CDH18: variants seen among roughly 807,000 people sequenced by gnomAD.
CDH18 encodes cadherin-18.
Under a neutral mutation model 67.9 loss-of-function variants are expected in CDH18, and 31 were observed. That is an observed-to-expected ratio of 0.46 (90% CI 0.34 to 0.62). The LOEUF (loss-of-function observed/expected upper bound fraction) is 0.62. Among genes scored for constraint, CDH18 ranks in the 20% least tolerant of loss-of-function variants. The probability of loss-of-function intolerance (pLI) is 0.01; values close to 1 mark genes in which losing one functional copy is unlikely to be tolerated. For missense variants in CDH18, 890 were observed against 975.5 expected (o/e 0.91, Z 1.17); for synonymous variants, 362 against 347.2 (o/e 1.04, Z -0.48).
chr5:19,732,570 G>C (rs982864812), intron 4 of CDH18, among the ~76,000 whole-genome samples: 6 of 152,090 alleles, frequency 3.9e-5, no homozygotes, highest in African/African-American at 1.4e-4. Context: ...AGCATTTCTT[G>C]TTTAGCCTTT....
At chr5:20,079,795 T>C (rs1337477867) in intron 2 of CDH18, among the ~76,000 whole-genome samples, 1 of 152,126 alleles carries the variant, frequency 6.6e-6, no homozygotes, top group Admixed American at 6.5e-5. Flanking sequence ...TGATTTCTCA[T>C]AGTTCCAGAG....
At chr5:19,868,465 A>C (rs1400770701) in intron 2 of CDH18, among the ~76,000 whole-genome samples, 3 of 152,156 alleles carry the variant, frequency 2.0e-5, no homozygotes, top group Non-Finnish European at 4.4e-5. Context: ...TACACCACGA[A>C]ACATACGCTT....
chr5:19,508,167 C>T (rs144348225), intron 10 of CDH18, among the ~76,000 whole-genome samples: 12 of 151,964 alleles, frequency 7.9e-5, no homozygotes, highest in Non-Finnish European at 1.8e-4. Flanking sequence ...TTCTGTTTTA[C>T]AAATCACCTT....
chr5:20,281,788 A>G (rs1011308903), intron 1 of CDH18, among the ~76,000 whole-genome samples: 1 of 152,158 alleles, frequency 6.6e-6, no homozygotes, highest in Non-Finnish European at 1.5e-5. Context: ...CATTGAATCT[A>G]TAAATTACCT....
intron 5 of CDH18, among the ~76,000 whole-genome samples, chr5:19,669,015 A>C (rs1338781952): frequency 2.7e-5 from 4 of 150,670 alleles, no homozygotes; most frequent in Non-Finnish European, 4.4e-5. Flanking sequence ...ACTTCAACAC[A>C]CACTCTGTGT....
chr5:20,126,817 G>A (rs1056486879), intron 2 of CDH18, among the ~76,000 whole-genome samples: 1 of 152,074 alleles, frequency 6.6e-6, no homozygotes, highest in Non-Finnish European at 1.5e-5. Context: ...AAAAAACAAG[G>A]CTTGCCTAGT....
At chr5:20,566,810 CAA>C (rs1157712301) in intron 1 of CDH18, among the ~76,000 whole-genome samples, 1 of 152,146 alleles carries the variant, frequency 6.6e-6, no homozygotes, top group Non-Finnish European at 1.5e-5. Flanking sequence ...CCATTACGAA[CAA>C]AGAGTGAAAG....
rs1228584814 is a variant in CDH18, at chr5:20,356,753, C to CTCTA, written c.-579-101249_-579-101248insTAGA. ...TCTCTCTCTCTCTCTCTCTCTCTCTCTATATATATATATATATACACATGC... is the reference window on the plus strand; with the variant it reads ...TCTCTCTCTCTCTCTCTCTCTCTCTCTCTATATATATATATATATATACACATGC... On this transcript the variant is annotated intron_variant, in intron 1 of 14. Coordinates refer to the CDH18 transcript ENST00000507958. 3.6e-3 allele frequency among the ~76,000 whole-genome samples: 433 copies of CTCTA among 121,504 alleles called. 1 individual carries two copies. The highest frequency in any genetic ancestry group is 5.2e-3 in the Non-Finnish European group (308 of 59,022). The allele number at this position is 121,504 out of a possible 152,430, so 79.7% of individuals were successfully genotyped here.
In CDH18 at chr5:19,857,014, G is replaced by A. The variant is rs185539100; in HGVS notation, c.-256-17772C>T. 3.9e-4 allele frequency among the ~76,000 whole-genome samples: 59 copies of A among 152,230 alleles called. 1 individual carries two copies. The East Asian group carries it at 0.011, about 28-fold the overall frequency. ...GAGGCAGAAGGATCACTTGAGGCCA[G>A]GAGTTTGAGACAAGCCAGGGCAACA... On this transcript the variant is annotated intron_variant, in intron 2 of 12. Coordinates refer to ENST00000382275, the MANE Select transcript of CDH18 (RefSeq NM_004934.5).
At chr5:19,687,248 C>A (rs1325805829) in intron 5 of CDH18, among the ~76,000 whole-genome samples, 1 of 152,052 alleles carries the variant, frequency 6.6e-6, no homozygotes. Context: ...TCCACTTGGT[C>A]CCACACACCT....
At chr5:19,956,949 T>C (rs1336701925) in intron 2 of CDH18, among the ~76,000 whole-genome samples, 1 of 151,944 alleles carries the variant, frequency 6.6e-6, no homozygotes, top group Non-Finnish European at 1.5e-5. Flanking sequence ...CTATGTGACT[T>C]ATTTATAAAC....
At chr5:19,498,118 C>G (rs1284917246) in intron 11 of CDH18, among the ~76,000 whole-genome samples, 1 of 152,040 alleles carries the variant, frequency 6.6e-6, no homozygotes, top group Non-Finnish European at 1.5e-5. Context: ...ATTTAGGGAG[C>G]CTGGATCTTT....
chr5:20,032,224 C>T lies in CDH18; in HGVS notation c.-517-40210G>A, dbSNP rs193163810. Among the ~76,000 whole-genome samples, 45 of 150,034 alleles carry T rather than the reference C, an allele frequency of 3.0e-4. No individual in the cohort carries two copies. In the East Asian group the frequency reaches 5.5e-3, roughly 18 times the overall value. On this transcript the variant is annotated intron_variant, in intron 2 of 14. Coordinates refer to the CDH18 transcript ENST00000507958. Reference sequence around the variant, plus strand: ...CATGTGTATGTGTATTATATATGTACATATATGTGCATGTATATATATATA... The same window carrying T: ...CATGTGTATGTGTATTATATATGTATATATATGTGCATGTATATATATATA...
chr5:19,696,846 C>T (rs1422266960), intron 5 of CDH18, among the ~76,000 whole-genome samples: 3 of 152,106 alleles, frequency 2.0e-5, no homozygotes, highest in Non-Finnish European at 4.4e-5. Context: ...TCCTATTCTA[C>T]TGGAGAAATA....
At chr5:19,500,550 T>C (rs1743064469) in intron 11 of CDH18, among the ~76,000 whole-genome samples, 2 of 152,166 alleles carry the variant, frequency 1.3e-5, no homozygotes, top group Admixed American at 1.3e-4. Flanking sequence ...TGCTTTTTTC[T>C]ATCCAAGATA....
intron 5 of CDH18, among the ~76,000 whole-genome samples, chr5:19,709,653 G>T (rs1338406667): frequency 1.5e-5 from 2 of 136,006 alleles, no homozygotes; most frequent in East Asian, 4.2e-4. Flanking sequence ...AAAAAGGAGA[G>T]AAAGAGAGAA....
At chr5:19,627,237 G>A (rs1380070164) in intron 5 of CDH18, among the ~76,000 whole-genome samples, 1 of 152,042 alleles carries the variant, frequency 6.6e-6, no homozygotes, top group Non-Finnish European at 1.5e-5. Context: ...ACATTGCAAG[G>A]AACACAAAAC....
At chr5:19,478,029 T>C (rs193139375) in intron 12 of CDH18, among the ~76,000 whole-genome samples, 1 of 152,284 alleles carries the variant, frequency 6.6e-6, no homozygotes, top group East Asian at 1.9e-4. Flanking sequence ...CATTTTATAT[T>C]ATAAATTAGA....
At chr5:20,255,883 G>A (rs745660961) in intron 1 of CDH18, among the ~76,000 whole-genome samples, 4 of 145,828 alleles carry the variant, frequency 2.7e-5, no homozygotes, top group Non-Finnish European at 6.1e-5. Context: ...CTATTTTAGT[G>A]ATTTTATATA....
Sources: gnomAD v4.1 joint callset for allele counts (sites outside exome capture counted in the v4.1 genomes callset) on GRCh38, gnomAD v4.1.1 for gene constraint, MANE v1.5 for transcripts, NCBI Gene and HGNC (gene_info 2026-07-23, HGNC 2026-07-21) for gene names.